The following ERGIC1 variants were observed in gnomAD, a reference collection of about 807,000 sequenced individuals.
ERGIC1 encodes endoplasmic reticulum-Golgi intermediate compartment protein 1.
ERGIC1 carries 19 observed loss-of-function variants against 38.3 expected under a neutral mutation model. That is an observed-to-expected ratio of 0.50 (90% CI 0.35 to 0.73). ERGIC1 has a LOEUF of 0.73. Among genes scored for constraint, ERGIC1 ranks in the 30% least tolerant of loss-of-function variants. The probability of loss-of-function intolerance (pLI) is 0.01; values close to 1 mark genes in which losing one functional copy is unlikely to be tolerated. For missense variants in ERGIC1, 294 were observed against 389.2 expected (o/e 0.76, Z 2.06); for synonymous variants, 124 against 157.6 (o/e 0.79, Z 1.60).
intron 7 of ERGIC1, among the ~76,000 whole-genome samples, chr5:172,928,327 G>C (rs912074692): frequency 6.6e-6 from 1 of 152,178 alleles, no homozygotes; most frequent in African/African-American, 2.4e-5. Flanking sequence ...CTGGGGAAGG[G>C]CTGGCTTTTA....
intron 7 of ERGIC1, among the ~76,000 whole-genome samples, chr5:172,930,143 G>A (rs1437505776): frequency 2.0e-5 from 3 of 149,798 alleles, no homozygotes; most frequent in South Asian, 4.2e-4. Context: ...AGCCGAGATC[G>A]TGCCACTGCA....
chr5:172,838,183 C>T (rs1456234610), intron 1 of ERGIC1, among the ~76,000 whole-genome samples: 2 of 152,188 alleles, frequency 1.3e-5, no homozygotes, highest in Non-Finnish European at 2.9e-5. Flanking sequence ...CAAGTGTGAT[C>T]AATGCACACT....
chr5:172,880,721 C>T (rs553746043), intron 1 of ERGIC1, among the ~76,000 whole-genome samples: 3 of 152,334 alleles, frequency 2.0e-5, no homozygotes, highest in South Asian at 2.1e-4. Flanking sequence ...GTAAAGCGAA[C>T]GGGTTGGACA....
chr5:172,839,566 A>AAC (rs1554105969), intron 1 of ERGIC1, among the ~76,000 whole-genome samples: 4 of 151,818 alleles, frequency 2.6e-5, no homozygotes, highest in South Asian at 2.1e-4. Context: ...CCTATCTCAA[A>AAC]ACACACACAC....
intron 9 of ERGIC1, among the ~76,000 whole-genome samples, chr5:172,947,723 A>G (rs1764153703): frequency 6.6e-6 from 1 of 152,150 alleles, no homozygotes; most frequent in Non-Finnish European, 1.5e-5. Context: ...GTTTCCCCTC[A>G]GGCGATGTGC....
intron 1 of ERGIC1, among the ~76,000 whole-genome samples, chr5:172,884,115 G>T (rs1253327709): frequency 1.3e-5 from 2 of 151,988 alleles, no homozygotes; most frequent in South Asian, 2.1e-4. Flanking sequence ...TCAAAGTTTT[G>T]ATTTGTTCAT....
intron 9 of ERGIC1, among the ~76,000 whole-genome samples, chr5:172,940,592 T>C (rs1171671238): frequency 6.6e-6 from 1 of 152,180 alleles, no homozygotes; most frequent in African/African-American, 2.4e-5. Context: ...AAAGTGCCAG[T>C]TGGGCCAGTA....
intron 7 of ERGIC1, among the ~76,000 whole-genome samples, chr5:172,930,353 C>T (rs1442217348): frequency 9.6e-6 from 1 of 103,750 alleles, no homozygotes; most frequent in Non-Finnish European, 2.0e-5. Flanking sequence ...GTGTTTTGTA[C>T]AATTTTTTTT....
At chr5:172,901,316 T>C (rs905696996) in intron 3 of ERGIC1, among the ~76,000 whole-genome samples, 18 of 152,306 alleles carry the variant, frequency 1.2e-4, no homozygotes, top group Non-Finnish European at 2.2e-4. Context: ...TTAATTATCC[T>C]TGGGAAAGAG....
At chr5:172,915,350 G>T (rs1763334498) in intron 5 of ERGIC1, 3 of 465,214 alleles carry the variant, frequency 6.4e-6, no homozygotes, top group Admixed American at 3.4e-5. Context: ...TCCTGGGCTG[G>T]TGGGGCTCCC....
At chr5:172,838,336 C>T (rs915355329) in intron 1 of ERGIC1, among the ~76,000 whole-genome samples, 13 of 152,192 alleles carry the variant, frequency 8.5e-5, no homozygotes, top group Admixed American at 8.5e-4. Flanking sequence ...TTCAGCCAAG[C>T]ATGGACCCCC....
chr5:172,851,943 A>G (rs558261460), intron 1 of ERGIC1, among the ~76,000 whole-genome samples: 3 of 152,214 alleles, frequency 2.0e-5, no homozygotes, highest in African/African-American at 7.2e-5. Context: ...CATCCCAAGT[A>G]GGAGATTTGC....
intron 1 of ERGIC1, among the ~76,000 whole-genome samples, chr5:172,873,059 G>A (rs1006097636): frequency 4.6e-5 from 7 of 152,176 alleles, no homozygotes; most frequent in Non-Finnish European, 1.0e-4. Context: ...GGGGAGCCAC[G>A]GGCATGAGAA....
chr5:172,937,597 G>T (rs1763913755), intron 9 of ERGIC1: 1 of 152,212 alleles, frequency 6.6e-6, no homozygotes, highest in Non-Finnish European at 1.5e-5. Context: ...TTGAGCGTGG[G>T]AGGTTGACAC....
chr5:172,908,702 C>T lies in ERGIC1; in HGVS notation c.156-965C>T, dbSNP rs73325198. On this transcript the variant is annotated intron_variant, in intron 3 of 9. Coordinates refer to ENST00000393784, the MANE Select transcript of ERGIC1 (RefSeq NM_001031711.3). Reference sequence around the variant, plus strand: ...AAAAAGGCAAGAAAATGCATTCTCCCAAGAACACAGCCCGTTTTAGACTTC... The same window carrying T: ...AAAAAGGCAAGAAAATGCATTCTCCTAAGAACACAGCCCGTTTTAGACTTC... Among the ~76,000 whole-genome samples, 634 of 152,280 alleles carry T rather than the reference C, an allele frequency of 4.2e-3. 7 individuals carry two copies. The highest frequency in any genetic ancestry group is 0.014 in the African/African-American group (597 of 41,560).
intron 3 of ERGIC1, among the ~76,000 whole-genome samples, chr5:172,899,956 A>C (rs900025672): frequency 6.6e-6 from 1 of 152,208 alleles, no homozygotes; most frequent in African/African-American, 2.4e-5. Flanking sequence ...CATAGTCTGC[A>C]TCTAACTCTA....
chr5:172,905,910 C>G (rs1051447591), intron 3 of ERGIC1: 2 of 370,982 alleles, frequency 5.4e-6, no homozygotes, highest in Admixed American at 3.3e-5. Context: ...TTGACTGTTT[C>G]TTTACCTCCT....
chr5:172,938,445 T>C (rs1319654364), intron 9 of ERGIC1, among the ~76,000 whole-genome samples: 1 of 152,222 alleles, frequency 6.6e-6, no homozygotes, highest in African/African-American at 2.4e-5. Context: ...CAGCTGAGAC[T>C]CTGGGCATTA....
intron 4 of ERGIC1, among the ~76,000 whole-genome samples, chr5:172,911,441 G>A (rs908936873): frequency 3.3e-5 from 5 of 152,130 alleles, no homozygotes; most frequent in African/African-American, 1.2e-4. Context: ...TTCCAGGAGG[G>A]GCCAGGCAAC....
Sources: gnomAD v4.1 joint callset for allele counts (sites outside exome capture counted in the v4.1 genomes callset) on GRCh38, gnomAD v4.1.1 for gene constraint, MANE v1.5 for transcripts, NCBI Gene and HGNC (gene_info 2026-07-23, HGNC 2026-07-21) for gene names.